NFIA: variants seen among roughly 807,000 people sequenced by gnomAD.
NFIA encodes nuclear factor 1 A-type.
In NFIA, 8 loss-of-function variants were observed where a neutral mutation model predicts 62.8. The observed-to-expected ratio is 0.13, with a 90% CI of 0.07 to 0.23. NFIA has a LOEUF of 0.23. Ranked by LOEUF, NFIA falls within the 10% of genes least tolerant of loss-of-function variation. The probability of loss-of-function intolerance (pLI) is 1.00; values close to 1 mark genes in which losing one functional copy is unlikely to be tolerated. For missense variants in NFIA, 410 were observed against 642.1 expected (o/e 0.64, Z 3.91); for synonymous variants, 235 against 238.1 (o/e 0.99, Z 0.12).
rs1234293595 is a variant in NFIA, at chr1:61,370,439, AG to A, written c.946+11166del. ...ATTCACAAAGTATATCTCAAGTGGA[AG>A]AAAACTTCCGGAATAAAACGTCACT... On this transcript the variant is annotated intron_variant, in intron 6 of 10. Transcript: ENST00000403491. 2.0e-5 allele frequency among the ~76,000 whole-genome samples: 3 copies of A among 152,312 alleles called. No individual in the cohort carries two copies. The East Asian group carries it at 5.8e-4, about 29-fold the overall frequency.
At chr1:61,319,914 G>A (rs1488601174) in intron 3 of NFIA, among the ~76,000 whole-genome samples, 1 of 151,936 alleles carries the variant, frequency 6.6e-6, no homozygotes, top group Non-Finnish European at 1.5e-5. Context: ...GGCAGAGATT[G>A]TGCAGTCTTT....
chr1:61,098,501 C>A (rs757153966), intron 2 of NFIA, among the ~76,000 whole-genome samples: 3 of 152,176 alleles, frequency 2.0e-5, no homozygotes, highest in African/African-American at 4.8e-5. Context: ...GGTAGAGGTT[C>A]TCTTTTGGAG....
chr1:61,256,434 TA>T (rs5774549), intron 2 of NFIA, among the ~76,000 whole-genome samples: 39,690 of 101,886 alleles, frequency 0.39, 7,242 homozygotes, highest in Middle Eastern at 0.46. Flanking sequence ...AGACTCCATC[TA>T]AAAAAAAAAA....
At chr1:61,325,444 C>A (rs1180529862) in intron 3 of NFIA, among the ~76,000 whole-genome samples, 1 of 152,194 alleles carries the variant, frequency 6.6e-6, no homozygotes, top group Non-Finnish European at 1.5e-5. Context: ...TTTCTCATTG[C>A]TGTCTTCTTA....
intron 9 of NFIA, among the ~76,000 whole-genome samples, chr1:61,422,746 T>TA (rs55752729): frequency 0.48 from 65,497 of 135,516 alleles, 15,722 homozygotes; most frequent in South Asian, 0.59. Flanking sequence ...CGTCTCTATT[T>TA]AAAAAAAAAA....
intron 3 of NFIA, among the ~76,000 whole-genome samples, chr1:61,290,288 G>A (rs751673721): frequency 3.9e-5 from 6 of 152,098 alleles, no homozygotes; most frequent in Non-Finnish European, 4.4e-5. Context: ...ATTTAAAAGT[G>A]TTTCCGTTGC....
Position 61,393,286 on chromosome 1 carries a change from T to TCTCTCC in NFIA, c.1075+9926_1075+9931dup, listed in dbSNP as rs1553181530. ...CTCTCTCTCTCTCTCTCTCTCTCTC[T>TCTCTCC]CTCTCCCTCTTTCTCTCCCTCTCTC... On this transcript the variant is annotated intron_variant, in intron 7 of 10. Transcript: ENST00000403491. Among the ~76,000 whole-genome samples, 99 of 48,168 alleles carry TCTCTCC rather than the reference T, an allele frequency of 2.1e-3. 1 individual carries two copies. The highest frequency in any genetic ancestry group is 2.8e-3 in the East Asian group (2 of 716). 31.6% of individuals were successfully genotyped at this position (48,168 alleles called of 152,430 possible).
At chr1:61,114,495 T>G (rs1156383833) in intron 2 of NFIA, among the ~76,000 whole-genome samples, 1 of 151,940 alleles carries the variant, frequency 6.6e-6, no homozygotes, top group African/African-American at 2.4e-5. Flanking sequence ...TCTCAAAACA[T>G]AAAGCAAAAA....
chr1:61,197,918 T>G (rs1570362192), intron 2 of NFIA, among the ~76,000 whole-genome samples: 1 of 150,966 alleles, frequency 6.6e-6, no homozygotes, highest in South Asian at 2.1e-4. Flanking sequence ...GAGGCGGAGG[T>G]TGCAGTGAGC....
At chr1:61,199,388 T>A (rs1331660435) in intron 2 of NFIA, among the ~76,000 whole-genome samples, 1 of 152,218 alleles carries the variant, frequency 6.6e-6, no homozygotes, top group Admixed American at 6.5e-5. Context: ...GCAAGTCGAT[T>A]TACCTGTGTT....
At chr1:61,248,879 C>G (rs1178528772) in intron 2 of NFIA, 1 of 152,192 alleles carries the variant, frequency 6.6e-6, no homozygotes, top group East Asian at 1.9e-4. Context: ...GATCTGACCT[C>G]AGTAATTTTA....
intron 3 of NFIA, among the ~76,000 whole-genome samples, chr1:61,287,617 C>A (rs1658588367): frequency 6.6e-6 from 1 of 151,828 alleles, no homozygotes; most frequent in South Asian, 2.1e-4. Flanking sequence ...CCAGCCTGGG[C>A]AACATGGCAA....
chr1:61,120,866 C>G (rs1191561843), intron 2 of NFIA, among the ~76,000 whole-genome samples: 1 of 152,154 alleles, frequency 6.6e-6, no homozygotes, highest in African/African-American at 2.4e-5. Flanking sequence ...TTCAAGTTTA[C>G]AATTTCTCAC....
upstream of NFIA, chr1:61,081,772 G>T: frequency 1.7e-6 from 2 of 1,193,222 alleles, no homozygotes; most frequent in Non-Finnish European, 2.3e-6. Flanking sequence ...GAATGCCACA[G>T]GACCGAAGCT....
In NFIA at chr1:61,177,756, C is replaced by T. The variant is rs188145463; in HGVS notation, c.559+89076C>T. ...GTGTGACTCCCCTTTCCATAACTCC[C>T]ACCTCAAATTTGAACCATCCTGAAT... On this transcript the variant is annotated intron_variant, in intron 2 of 10. Transcript: ENST00000403491. Among the ~76,000 whole-genome samples, 396 of 152,018 alleles carry T rather than the reference C, an allele frequency of 2.6e-3. 3 individuals are homozygous for T. The highest frequency in any genetic ancestry group is 9.3e-3 in the African/African-American group (384 of 41,450).
chr1:61,427,371 C>T (rs1557430072), intron 10 of NFIA, among the ~76,000 whole-genome samples: 1 of 152,100 alleles, frequency 6.6e-6, no homozygotes, highest in Non-Finnish European at 1.5e-5. Flanking sequence ...GAAATAAACT[C>T]TCTGATTTCC....
intron 7 of NFIA, among the ~76,000 whole-genome samples, chr1:61,401,809 T>C (rs1220040484): frequency 6.6e-6 from 1 of 152,170 alleles, no homozygotes; most frequent in Non-Finnish European, 1.5e-5. Flanking sequence ...GACTATTCCA[T>C]CAGACGCAGG....
chr1:61,127,984 C>A (rs754043940), intron 2 of NFIA, among the ~76,000 whole-genome samples: 1 of 152,162 alleles, frequency 6.6e-6, no homozygotes, highest in African/African-American at 2.4e-5. Context: ...GGGCAGGGAC[C>A]TTTGCAAGTC....
At chr1:61,422,717 A>T (rs1666683525) in intron 9 of NFIA, among the ~76,000 whole-genome samples, 1 of 148,332 alleles carries the variant, frequency 6.7e-6, no homozygotes, top group African/African-American at 2.5e-5. Flanking sequence ...GACCAGCCTG[A>T]GCAACATGGC....
Sources: gnomAD v4.1 joint callset for allele counts (sites outside exome capture counted in the v4.1 genomes callset) on GRCh38, gnomAD v4.1.1 for gene constraint, MANE v1.5 for transcripts, NCBI Gene and HGNC (gene_info 2026-07-23, HGNC 2026-07-21) for gene names.